SPAG16: variants seen among roughly 807,000 people sequenced by gnomAD.
The protein encoded by SPAG16 is sperm-associated antigen 16 protein.
SPAG16 carries 86 observed loss-of-function variants against 80.4 expected under a neutral mutation model. The ratio of observed to expected loss-of-function variants is 1.07; its 90% confidence interval spans 0.90 to 1.28. The LOEUF (loss-of-function observed/expected upper bound fraction) is 1.28. SPAG16 is among the 50% of genes most tolerant of loss of function. SPAG16 has a pLI of 0.00. For missense variants in SPAG16, 870 were observed against 765.3 expected (o/e 1.14, Z -1.61); for synonymous variants, 294 against 265.9 (o/e 1.11, Z -1.03).
chr2:213,315,047 T>A (rs1264998821), intron 4 of SPAG16, among the ~76,000 whole-genome samples: 2 of 151,966 alleles, frequency 1.3e-5, no homozygotes, highest in East Asian at 3.8e-4. Context: ...TATTATGATT[T>A]ATAATATGAA....
chr2:213,869,824 A>T lies in SPAG16; in HGVS notation c.1214+7196A>T, dbSNP rs2075879501. The stretch of plus-strand genomic sequence containing the variant: ...TATACACATTTACAAATGCCCTTAT[A>T]ATAATGTCCGTACGTATAGTAGTTA... On this transcript the variant is annotated intron_variant, in intron 11 of 15. Coordinates refer to ENST00000331683, the MANE Select transcript of SPAG16 (RefSeq NM_024532.5). 2.0e-5 allele frequency among the ~76,000 whole-genome samples: 3 copies of T among 152,156 alleles called. No homozygotes were observed. In the South Asian group the frequency reaches 6.2e-4, roughly 32 times the overall value.
intron 14 of SPAG16, among the ~76,000 whole-genome samples, chr2:214,138,871 A>G (rs903272895): frequency 6.6e-6 from 1 of 152,106 alleles, no homozygotes; most frequent in African/African-American, 2.4e-5. Context: ...ATCCAGGGAG[A>G]TGAATTTCTA....
At chr2:213,567,846 C>T (rs2059830705) in intron 10 of SPAG16, among the ~76,000 whole-genome samples, 1 of 58,772 alleles carries the variant, frequency 1.7e-5, no homozygotes, top group South Asian at 7.3e-4. Context: ...TACAGTCCCA[C>T]CAACAGTGTA....
chr2:213,866,543 G>T (rs1193276359), intron 11 of SPAG16, among the ~76,000 whole-genome samples: 3 of 146,608 alleles, frequency 2.0e-5, no homozygotes, highest in Non-Finnish European at 4.4e-5. Flanking sequence ...TATATTGTTA[G>T]GTCCCATGTG....
intron 15 of SPAG16, among the ~76,000 whole-genome samples, chr2:214,319,903 G>A (rs557576113): frequency 3.8e-4 from 58 of 152,220 alleles, no homozygotes; most frequent in Non-Finnish European, 7.1e-4. Flanking sequence ...TTCAGGATAT[G>A]CTTTTCAAAT....
At chr2:213,724,661 C>A (rs1462803510) in intron 10 of SPAG16, among the ~76,000 whole-genome samples, 2 of 151,106 alleles carry the variant, frequency 1.3e-5, no homozygotes, top group African/African-American at 4.9e-5. Flanking sequence ...GCCTGTAGTC[C>A]CAGCTACTTG....
chr2:214,360,551 A>ACC (rs1184371554), intron 15 of SPAG16, among the ~76,000 whole-genome samples: 1 of 151,832 alleles, frequency 6.6e-6, no homozygotes, highest in Non-Finnish European at 1.5e-5. Context: ...ATAGATGCAA[A>ACC]TCCATTTATC....
intron 15 of SPAG16, among the ~76,000 whole-genome samples, chr2:214,276,939 A>G (rs1443529988): frequency 6.6e-5 from 10 of 151,162 alleles, no homozygotes. Context: ...AATCAAACAT[A>G]GATTTGTTTT....
chr2:214,380,538 T>C (rs999886678), intron 15 of SPAG16, among the ~76,000 whole-genome samples: 10 of 152,224 alleles, frequency 6.6e-5, no homozygotes, highest in African/African-American at 2.4e-4. Flanking sequence ...AATAAAAATT[T>C]AAAGACCTTG....
chr2:213,502,846 A>G (rs779867626), intron 10 of SPAG16, among the ~76,000 whole-genome samples: 30 of 152,214 alleles, frequency 2.0e-4, no homozygotes, highest in Non-Finnish European at 4.0e-4. Flanking sequence ...GCTCTTCTTT[A>G]CATATTCTAG....
intron 15 of SPAG16, among the ~76,000 whole-genome samples, chr2:214,184,348 A>G (rs1268852436): frequency 6.6e-6 from 1 of 152,086 alleles, no homozygotes; most frequent in African/African-American, 2.4e-5. Flanking sequence ...CTTTATTAGT[A>G]ATACTAACAG....
intron 5 of SPAG16, among the ~76,000 whole-genome samples, chr2:213,322,347 A>C (rs1007112740): frequency 1.3e-4 from 16 of 119,800 alleles, no homozygotes; most frequent in South Asian, 7.9e-4. Flanking sequence ...AAAAAAAAAA[A>C]AAAAAAAAAC....
chr2:214,067,680 C>G (rs1221563304), intron 13 of SPAG16, among the ~76,000 whole-genome samples: 1 of 150,982 alleles, frequency 6.6e-6, no homozygotes, highest in Admixed American at 6.6e-5. Context: ...TAATGATATA[C>G]AAGTAAAATA....
intron 7 of SPAG16, among the ~76,000 whole-genome samples, chr2:213,353,509 G>A (rs981321291): frequency 2.0e-5 from 3 of 152,170 alleles, no homozygotes; most frequent in African/African-American, 7.2e-5. Context: ...TTAAGGGGTT[G>A]TCAATTTTCC....
At chr2:213,574,144 T>C (rs189997817) in intron 10 of SPAG16, among the ~76,000 whole-genome samples, 105 of 152,328 alleles carry the variant, frequency 6.9e-4, no homozygotes, top group African/African-American at 2.5e-3. Flanking sequence ...TCTCTACTTG[T>C]AGGTTATATG....
At chr2:214,344,190 A>G (rs1202715735) in intron 15 of SPAG16, among the ~76,000 whole-genome samples, 2 of 152,094 alleles carry the variant, frequency 1.3e-5, no homozygotes, top group Non-Finnish European at 2.9e-5. Context: ...ATGACTATTC[A>G]AAACCTTACT....
chr2:213,353,777 A>G (rs865948663), intron 7 of SPAG16, among the ~76,000 whole-genome samples: 6 of 152,134 alleles, frequency 3.9e-5, no homozygotes, highest in Admixed American at 6.5e-5. Flanking sequence ...AGGATGCTCT[A>G]TGTCCTCATT....
At position 214,254,292 on chromosome 2, in the gene SPAG16, G is replaced by A. The variant is rs181736938; in HGVS notation, c.1720+105026G>A. On this transcript the variant is annotated intron_variant, in intron 15 of 15. Transcript: ENST00000331683. Reference sequence around the variant, plus strand: ...TGCCCTTTATTTCTTTCTCTTGCCTGATTGCCCTGGCCAGAACTTCCAATA... The same window carrying A: ...TGCCCTTTATTTCTTTCTCTTGCCTAATTGCCCTGGCCAGAACTTCCAATA... 5.0e-3 allele frequency among the ~76,000 whole-genome samples: 756 copies of A among 152,180 alleles called. 5 individuals are homozygous for A. Among genetic ancestry groups the A allele is most frequent in the African/African-American group, 0.017 (718 of 41,516 alleles).
intron 10 of SPAG16, among the ~76,000 whole-genome samples, chr2:213,851,325 CATG>C (rs750242082): frequency 1.3e-5 from 2 of 152,072 alleles, no homozygotes; most frequent in Non-Finnish European, 2.9e-5. Context: ...GCCTGACCAA[CATG>C]ATGAAACCCC....
Sources: gnomAD v4.1 joint callset for allele counts (sites outside exome capture counted in the v4.1 genomes callset) on GRCh38, gnomAD v4.1.1 for gene constraint, MANE v1.5 for transcripts, NCBI Gene and HGNC (gene_info 2026-07-23, HGNC 2026-07-21) for gene names.